ZNF594: variants seen among roughly 807,000 people sequenced by gnomAD.
ZNF594 encodes zinc finger protein HZF18.
For synonymous variants in ZNF594, 336 were observed against 309.4 expected (o/e 1.09, Z -0.90); for missense variants, 1,037 against 964.6 (o/e 1.08, Z -0.99).
At chr17:5,185,402 G>A (rs945813916) in intron 1 of ZNF594, among the ~76,000 whole-genome samples, 20 of 152,128 alleles carry the variant, frequency 1.3e-4, no homozygotes, top group African/African-American at 4.8e-4. Flanking sequence ...GAGAATAGTA[G>A]GGGGGAAACT....
rs1347684914 is a variant in ZNF594 at position 5,181,703 on chromosome 17, T to A, written c.*130A>T. 1.9e-6 allele frequency: 3 copies of A among 1,580,520 alleles called. No individual in the cohort carries two copies. The highest frequency in any genetic ancestry group is 1.1e-5 in the South Asian group (1 of 90,352). Reference sequence around the variant, plus strand: ...CAAGGTGGGACCTCTGGCTAAAGACTTTCCCACATTCACTACATTCATGAG... The same window carrying A: ...CAAGGTGGGACCTCTGGCTAAAGACATTCCCACATTCACTACATTCATGAG... On this transcript the variant is annotated 3_prime_UTR_variant, in exon 2 of 2. Coordinates refer to ENST00000575779, the MANE Select transcript of ZNF594 (RefSeq NM_032530.2).
intron 1 of ZNF594, among the ~76,000 whole-genome samples, chr17:5,186,548 C>T (rs1283599606): frequency 6.6e-6 from 1 of 152,224 alleles, no homozygotes; most frequent in Non-Finnish European, 1.5e-5. Flanking sequence ...GATTAACATT[C>T]AGCTTCTTGT....
At position 5,183,452 on chromosome 17, in the gene ZNF594, A is replaced by G. The variant is rs764720095; in HGVS notation, c.805T>C (p.Cys269Arg). 3 of 1,614,030 alleles carry G rather than the reference A, an allele frequency of 1.9e-6. No homozygotes were observed. In the East Asian group the frequency reaches 6.7e-5, roughly 36 times the overall value. ...RIHTGEKPYE[C>R]YDCGQMFSQS... ...CTGAACATCTGTCCACAGTCATAAC[A>G]TTCATAGGGTTTCTCTCCAGTGTGA... The change falls in exon 2 of 2, where the codon TGT becomes CGT. Residue 269 changes from cysteine to arginine, a missense_variant. Physicochemically the swap from Cys to Arg is radical, Grantham distance 180. Coordinates refer to ENST00000575779, the MANE Select transcript of ZNF594 (RefSeq NM_032530.2).
rs1456255083 is a variant in ZNF594 at position 5,182,620 on chromosome 17, TCA to T, written c.1635_1636del (p.Cys545Ter). The T allele has an allele frequency of 2.5e-6, 4 of 1,613,392 alleles. No homozygotes were observed. The highest frequency in any genetic ancestry group is 3.4e-6 in the Non-Finnish European group (4 of 1,179,672). On this transcript the variant is annotated stop_gained and frameshift_variant, in exon 2 of 2. Coordinates refer to ENST00000575779, the MANE Select transcript of ZNF594 (RefSeq NM_032530.2). LOFTEE classifies it low-confidence loss of function (END_TRUNC). ...CTCCTCATCCTGGCTGAAGGTTTTC[TCA>T]CATTCAAGTTTCTCTCCAGTATGCA...
In ZNF594 at chr17:5,181,899, C is replaced by G. The variant is rs143367062; in HGVS notation, c.2358G>C (p.Glu786Asp). Residue 786 changes from glutamate (E) to aspartate (D), a missense_variant, in exon 2 of 2, where the codon GAG (glutamate) becomes GAC (aspartate). Physicochemically the swap from Glu to Asp is conservative, Grantham distance 45. Coordinates refer to ENST00000575779, the MANE Select transcript of ZNF594 (RefSeq NM_032530.2). ...LIRHQVTHTR[E>D]KPYECKECGK... Reference sequence around the variant, plus strand: ...CACATTCTTTACATTCATATGGTTTCTCTCTTGTATGAGTTACCTGATGTC... The same window carrying G: ...CACATTCTTTACATTCATATGGTTTGTCTCTTGTATGAGTTACCTGATGTC... 4.3e-6 allele frequency: 7 copies of G among 1,614,000 alleles called. No individual in the cohort carries two copies. Among genetic ancestry groups the G allele is most frequent in the Middle Eastern group, 1.6e-4 (1 of 6,062 alleles).
chr17:5,190,333 A>G (rs561816516), intron 1 of ZNF594, among the ~76,000 whole-genome samples: 38 of 152,270 alleles, frequency 2.5e-4, no homozygotes, highest in African/African-American at 8.7e-4. Context: ...GCACCACTGC[A>G]CTCTAGTCTG....
chr17:5,190,599 A>T (rs1380925754), intron 1 of ZNF594, among the ~76,000 whole-genome samples: 2 of 152,222 alleles, frequency 1.3e-5, no homozygotes, highest in African/African-American at 4.8e-5. Context: ...AGGAAGACTC[A>T]CACATGAAAC....
At chr17:5,178,688 A>G (rs184117996), downstream of ZNF594, among the ~76,000 whole-genome samples, 4 of 152,210 alleles carry the variant, frequency 2.6e-5, no homozygotes, top group African/African-American at 4.8e-5. Flanking sequence ...CTACATGTAC[A>G]TAAGTACATG....
intron 1 of ZNF594, among the ~76,000 whole-genome samples, chr17:5,185,215 G>A (rs747372739): frequency 6.6e-6 from 1 of 152,134 alleles, no homozygotes; most frequent in Non-Finnish European, 1.5e-5. Flanking sequence ...ACCTGAGACT[G>A]GAGAGAAAAA....
chr17:5,176,222 C>T (rs1182718059), downstream of ZNF594, among the ~76,000 whole-genome samples: 1 of 151,834 alleles, frequency 6.6e-6, no homozygotes, highest in Non-Finnish European at 1.5e-5. Context: ...ATGGAGAAAC[C>T]CCGTCTCTAC....
At chr17:5,176,415 A>AG (rs2074308145), downstream of ZNF594, among the ~76,000 whole-genome samples, 1 of 150,780 alleles carries the variant, frequency 6.6e-6, no homozygotes, top group South Asian at 2.1e-4. Flanking sequence ...AAAAAAAAAA[A>AG]AGAATAAAAT....
downstream of ZNF594, among the ~76,000 whole-genome samples, chr17:5,178,794 T>G (rs549787267): frequency 1.3e-4 from 20 of 152,326 alleles, no homozygotes; most frequent in African/African-American, 4.8e-4. Context: ...ATTAGATTCT[T>G]ATTTACCAGC....
At chr17:5,188,370 T>G (rs1172200397) in intron 1 of ZNF594, among the ~76,000 whole-genome samples, 1 of 152,038 alleles carries the variant, frequency 6.6e-6, no homozygotes, top group Non-Finnish European at 1.5e-5. Context: ...GCCTCTAGAT[T>G]TGATGAGGCG....
At position 5,183,210 on chromosome 17, in the gene ZNF594, T is replaced by A. The variant is rs201810697; in HGVS notation, c.1047A>T (p.Lys349Asn). ...TGAAGGTTTTCTCACATTCTTCAAT[T>A]TTCTCTCCAGCATGCAATCTCTGAT... ...LKHQRLHAGEKIEECEKTFSK... is the reference protein window; with the variant it reads ...LKHQRLHAGENIEECEKTFSK... The change falls in exon 2 of 2, where the codon AAA (lysine) becomes AAT (asparagine). Residue 349 changes from lysine (K) to asparagine (N), a missense_variant. By Grantham distance (94) the Lys-to-Asn change is moderately conservative. Coordinates refer to ENST00000575779, the MANE Select transcript of ZNF594 (RefSeq NM_032530.2). The A allele has an allele frequency of 1.2e-6, 2 of 1,614,108 alleles. No homozygotes were observed. Among genetic ancestry groups the A allele is most frequent in the Non-Finnish European group, 1.7e-6 (2 of 1,180,026 alleles).
Position 5,182,954 on chromosome 17 carries a change from T to C in ZNF594, c.1303A>G (p.Ser435Gly). Residue 435 changes from serine to glycine, a missense_variant, in exon 2 of 2, where the codon AGC becomes GGC. Coordinates refer to ENST00000575779, the MANE Select transcript of ZNF594 (RefSeq NM_032530.2). ...CCCCTAAAAGATTTCCCACATTTGCTACATACACAAGGTTTTTCTCCACTG... is the reference window on the plus strand; with the variant it reads ...CCCCTAAAAGATTTCCCACATTTGCCACATACACAAGGTTTTTCTCCACTG... ...IHSGEKPCVC[S>G]KCGKSFRGSS... 1 of 1,614,124 alleles carries C rather than the reference T, an allele frequency of 6.2e-7. No individual in the cohort carries two copies. The highest frequency in any genetic ancestry group is 8.5e-7 in the Non-Finnish European group (1 of 1,180,024).
chr17:5,185,694 A>G (rs1457592326), intron 1 of ZNF594, among the ~76,000 whole-genome samples: 1 of 152,220 alleles, frequency 6.6e-6, no homozygotes, highest in African/African-American at 2.4e-5. Flanking sequence ...TGTAAAATCA[A>G]AAGCAAGCTA....
chr17:5,190,552 C>T (rs764589428), intron 1 of ZNF594, among the ~76,000 whole-genome samples: 4 of 152,120 alleles, frequency 2.6e-5, no homozygotes, highest in African/African-American at 9.7e-5. Flanking sequence ...TTCATGGGCA[C>T]GCATTAGGTG....
chr17:5,188,346 C>G (rs1426491803), intron 1 of ZNF594, among the ~76,000 whole-genome samples: 1 of 149,718 alleles, frequency 6.7e-6, no homozygotes, highest in East Asian at 2.0e-4. Flanking sequence ...AAGCCAGAAG[C>G]TGAAGGAAGG....
In ZNF594 at chr17:5,184,247, A is replaced by G. The variant is rs947489456; in HGVS notation, c.10T>C (p.Trp4Arg). 2 of 1,611,980 alleles carry G rather than the reference A, an allele frequency of 1.2e-6. No individual in the cohort carries two copies. Among genetic ancestry groups the G allele is most frequent in the Middle Eastern group, 1.6e-4 (1 of 6,076 alleles). ...TCAGAAATTTCCATCTTTGATTTCC[A>G]TTCCTTCATCTTATTCCTGTCTTCA... MKE[W>R]KSKMEISEEK... The change falls in exon 2 of 2, where the codon TGG becomes CGG. Residue 4 changes from tryptophan to arginine, a missense_variant. Transcript: ENST00000575779.
Sources: allele counts gnomAD v4.1 joint callset (sites outside exome capture counted in the v4.1 genomes callset), GRCh38; gene constraint gnomAD v4.1.1; transcripts MANE v1.5; gene names NCBI Gene and HGNC (gene_info 2026-07-23, HGNC 2026-07-21).